The following FNIP2 variants were observed in gnomAD, a reference collection of about 807,000 sequenced individuals.
FNIP2 encodes the protein folliculin-interacting protein 2.
In FNIP2, 32 loss-of-function variants were observed where a neutral mutation model predicts 108.7. The observed-to-expected ratio is 0.29, with a 90% confidence interval of 0.22 to 0.40. The LOEUF (loss-of-function observed/expected upper bound fraction) is 0.40. FNIP2 is among the 10% of genes least tolerant of loss of function. The pLI is 1.00. For synonymous variants in FNIP2, 480 were observed against 496.7 expected (o/e 0.97, Z 0.45); for missense variants, 1,202 against 1,381.6 (o/e 0.87, Z 2.06).
At chr4:158,826,966 C>T (rs1358375922) in intron 2 of FNIP2, among the ~76,000 whole-genome samples, 1 of 152,174 alleles carries the variant, frequency 6.6e-6, no homozygotes, top group East Asian at 1.9e-4. Flanking sequence ...CAGTCTTTGT[C>T]TCATCAGGGC....
In FNIP2 at chr4:158,769,336, G is replaced by T; in HGVS notation, c.107+17G>T. Reference sequence around the variant, plus strand: ...CGCCTTTAGGTGAGGGGGCGCCGGGGGGCAATTCTGGCGCGGGACCCGAGT... The same window carrying T: ...CGCCTTTAGGTGAGGGGGCGCCGGGTGGCAATTCTGGCGCGGGACCCGAGT... On this transcript the variant is annotated intron_variant, in intron 1 of 16. Transcript: ENST00000264433. 3 of 1,463,410 alleles carry T rather than the reference G, an allele frequency of 2.1e-6. No individual in the cohort carries two copies. The highest frequency in any genetic ancestry group is 2.9e-5 in the East Asian group (1 of 34,810). The allele number at this position is 1,463,410 out of a possible 1,614,324, so 90.7% of individuals were successfully genotyped here.
intron 1 of FNIP2, among the ~76,000 whole-genome samples, chr4:158,786,992 A>G (rs1386343730): frequency 6.6e-6 from 1 of 151,290 alleles, no homozygotes; most frequent in Non-Finnish European, 1.5e-5. Flanking sequence ...TTTTTTTTTA[A>G]TCTCTAAGTC....
At chr4:158,885,061 C>T (rs1781950748) in intron 14 of FNIP2, among the ~76,000 whole-genome samples, 1 of 151,858 alleles carries the variant, frequency 6.6e-6, no homozygotes, top group African/African-American at 2.4e-5. Context: ...GAGGCTGAGG[C>T]ACGAGAATCA....
Position 158,869,317 on chromosome 4 carries a change from A to T in FNIP2, c.2681A>T (p.Asp894Val). The change falls in exon 13 of 17, where the codon GAT (aspartate) becomes GTT (valine). Residue 894 changes from aspartate to valine, a missense_variant. This residue lies in a region of FNIP2 where 878 missense variants were observed against 990.3 expected (regional missense o/e 0.89). Coordinates refer to ENST00000264433, the MANE Select transcript of FNIP2 (RefSeq NM_020840.3). ...EGDIPRNESS[D>V]SALGDSDDEA... ...GACATTCCCCGAAATGAAAGCTCAGATAGCGCCCTGGGAGACAGTGACGAC... is the reference window on the plus strand; with the variant it reads ...GACATTCCCCGAAATGAAAGCTCAGTTAGCGCCCTGGGAGACAGTGACGAC... 6.2e-7 allele frequency: 1 copy of T among 1,613,818 alleles called. No individual in the cohort carries two copies. Among genetic ancestry groups the T allele is most frequent in the Non-Finnish European group, 8.5e-7 (1 of 1,179,824 alleles).
intron 14 of FNIP2, among the ~76,000 whole-genome samples, chr4:158,887,188 A>G (rs1339854759): frequency 6.6e-6 from 1 of 152,194 alleles, no homozygotes; most frequent in Non-Finnish European, 1.5e-5. Flanking sequence ...TAAATCAGTC[A>G]ATCTTAGGTT....
At position 158,906,027 on chromosome 4, in the gene FNIP2, C is replaced by T. The variant is rs1729812925; in HGVS notation, c.*1483C>T. Reference sequence around the variant, plus strand: ...ATTTGATAAAAATCAGAACTGCTACCTTTCCCTTTTTTAATGATGCAAAAT... The same window carrying T: ...ATTTGATAAAAATCAGAACTGCTACTTTTCCCTTTTTTAATGATGCAAAAT... On this transcript the variant is annotated 3_prime_UTR_variant, in exon 17 of 17. Coordinates refer to ENST00000264433, the MANE Select transcript of FNIP2 (RefSeq NM_020840.3). 6.6e-6 allele frequency: 1 copy of T among 152,154 alleles called. No homozygotes were observed. Among genetic ancestry groups the T allele is most frequent in the South Asian group, 2.1e-4 (1 of 4,836 alleles). 9.4% of individuals were successfully genotyped at this position (152,154 alleles called of 1,614,324 possible).
intron 14 of FNIP2, among the ~76,000 whole-genome samples, chr4:158,883,777 C>G (rs936961094): frequency 6.6e-6 from 1 of 152,102 alleles, no homozygotes; most frequent in African/African-American, 2.4e-5. Flanking sequence ...GCTGTGTTTT[C>G]TCCTAATGAC....
chr4:158,883,521 G>A (rs541637710), intron 14 of FNIP2, among the ~76,000 whole-genome samples: 4 of 152,300 alleles, frequency 2.6e-5, no homozygotes, highest in South Asian at 2.1e-4. Flanking sequence ...GATTACAGGC[G>A]TGAGCCATCG....
chr4:158,850,063 G>T lies in FNIP2; in HGVS notation c.728-1258G>T, dbSNP rs763984007. Among the ~76,000 whole-genome samples, 62 of 152,318 alleles carry T rather than the reference G, an allele frequency of 4.1e-4. 1 individual carries two copies. Among genetic ancestry groups the T allele is most frequent in the Admixed American group, 6.5e-4 (10 of 15,294 alleles). On this transcript the variant is annotated intron_variant, in intron 7 of 16. Coordinates refer to ENST00000264433, the MANE Select transcript of FNIP2 (RefSeq NM_020840.3). The stretch of plus-strand genomic sequence containing the variant: ...CTACCACACCTGGCATTACTTATTA[G>T]TTGATAGCAAAGTAACTCCTGTAGT...
intron 1 of FNIP2, among the ~76,000 whole-genome samples, chr4:158,770,447 G>C (rs1775659356): frequency 6.6e-6 from 1 of 152,146 alleles, no homozygotes; most frequent in Non-Finnish European, 1.5e-5. Context: ...AGTTTCAAGT[G>C]AAACTTTGAA....
rs556929079 is a variant in FNIP2 at position 158,850,543 on chromosome 4, G to GA, written c.728-775dup. On this transcript the variant is annotated intron_variant, in intron 7 of 16. Coordinates refer to ENST00000264433, the MANE Select transcript of FNIP2 (RefSeq NM_020840.3). ...CTAATATGTAGCAGGAGGAAGCAGA[G>GA]AAAGGTTCAGAGGCAAATAAGTAAT... Among the ~76,000 whole-genome samples, 48 of 151,050 alleles carry GA rather than the reference G, an allele frequency of 3.2e-4. No homozygotes were observed. In the South Asian group the frequency reaches 1.0e-2, roughly 31 times the overall value.
chr4:158,868,848 A>G lies in FNIP2; in HGVS notation c.2212A>G (p.Met738Val), dbSNP rs1475207655. 1 of 1,613,748 alleles carries G rather than the reference A, an allele frequency of 6.2e-7. No individual in the cohort carries two copies. The highest frequency in any genetic ancestry group is 1.3e-5 in the African/African-American group (1 of 74,908). Residue 738 changes from methionine to valine, a missense_variant, in exon 13 of 17, where the codon ATG (methionine) becomes GTG (valine). This residue lies in a region of FNIP2 where 878 missense variants were observed against 990.3 expected (regional missense o/e 0.89). Transcript: ENST00000264433. The surrounding 1 kb of genome is among the most constrained non-coding windows in gnomAD (Gnocchi z 4.6). ...ESDFESRMKKMEERVKACGPS... is the reference protein window; with the variant it reads ...ESDFESRMKKVEERVKACGPS... The stretch of plus-strand genomic sequence containing the variant: ...TGACTTTGAAAGCCGCATGAAAAAA[A>G]TGGAGGAACGGGTGAAGGCCTGTGG...
intron 15 of FNIP2, among the ~76,000 whole-genome samples, chr4:158,893,926 C>G: frequency 6.6e-6 from 1 of 152,058 alleles, no homozygotes; most frequent in East Asian, 1.9e-4. Flanking sequence ...TTTAACCTGA[C>G]AAAACCAAGA....
At chr4:158,847,872 G>A (rs1031904402) in intron 7 of FNIP2, among the ~76,000 whole-genome samples, 1 of 152,206 alleles carries the variant, frequency 6.6e-6, no homozygotes, top group Non-Finnish European at 1.5e-5. Context: ...TAGCCACTAT[G>A]GGCCCGTGGT....
In FNIP2 at chr4:158,806,511, A is replaced by T. The variant is rs1436476509; in HGVS notation, c.108-19405A>T. On this transcript the variant is annotated intron_variant, in intron 1 of 16. Transcript: ENST00000264433. ...GGAGATGGAATTGTATTGATCTGAA[A>T]GTTGTTGTTTCTCATAAGTGCTTCT... 4 of 982,664 alleles carry T rather than the reference A, an allele frequency of 4.1e-6. No homozygotes were observed. In the Admixed American group the frequency reaches 1.1e-4, roughly 28 times the overall value. 60.9% of individuals were successfully genotyped at this position (982,664 alleles called of 1,614,324 possible). A position where few individuals can be genotyped will look rare whatever the true frequency, so the allele number is the denominator to read the frequency against.
At chr4:158,771,721 G>A (rs935979653) in intron 1 of FNIP2, among the ~76,000 whole-genome samples, 16 of 152,188 alleles carry the variant, frequency 1.1e-4, no homozygotes, top group Non-Finnish European at 2.4e-4. Flanking sequence ...GGGCAGTTTT[G>A]TAGTGTATAT....
chr4:158,782,173 A>G (rs759507578), intron 1 of FNIP2, among the ~76,000 whole-genome samples: 15 of 152,212 alleles, frequency 9.9e-5, no homozygotes, highest in African/African-American at 2.2e-4. Flanking sequence ...TCTGAAGGCA[A>G]TGTGGAGCCA....
intron 16 of FNIP2, among the ~76,000 whole-genome samples, chr4:158,900,326 G>T (rs940322456): frequency 2.0e-5 from 3 of 152,154 alleles, no homozygotes; most frequent in Non-Finnish European, 2.9e-5. Flanking sequence ...TGTTGATTTG[G>T]GGTGGAGAGT....
chr4:158,885,104 C>A (rs570523336), intron 14 of FNIP2, among the ~76,000 whole-genome samples: 1 of 151,928 alleles, frequency 6.6e-6, no homozygotes, highest in African/African-American at 2.4e-5. Context: ...TGCAGTGAGC[C>A]GAGATTGTGC....
Sources: allele counts gnomAD v4.1 joint callset (sites outside exome capture counted in the v4.1 genomes callset), GRCh38; gene constraint gnomAD v4.1.1; regional missense constraint gnomAD v4.1.1; non-coding constraint Gnocchi (gnomAD v3.1); transcripts MANE v1.5; gene names NCBI Gene and HGNC (gene_info 2026-07-23, HGNC 2026-07-21).